Variants in ITGB4 observed in about 807,000 individuals in gnomAD.
ITGB4 encodes integrin beta-4.
Under a neutral mutation model 207.6 loss-of-function variants are expected in ITGB4, and 159 were observed. That is an observed-to-expected ratio of 0.77 (90% confidence interval 0.67 to 0.87). The LOEUF (loss-of-function observed/expected upper bound fraction) is 0.87. Ranked by LOEUF, ITGB4 falls within the 40% of genes least tolerant of loss-of-function variation. The pLI is 0.00. For missense variants in ITGB4, 2,278 were observed against 2,546.8 expected (o/e 0.89, Z 2.27); for synonymous variants, 1,020 against 1,062.7 (o/e 0.96, Z 0.78).
Position 75,740,493 on chromosome 17 carries a change from A to T in ITGB4, c.2550+32A>T. The T allele has an allele frequency of 2.3e-5, 34 of 1,458,326 alleles. No individual in the cohort carries two copies. Among genetic ancestry groups the T allele is most frequent in the Non-Finnish European group, 3.2e-5 (33 of 1,040,052 alleles). 90.3% of individuals were successfully genotyped at this position (1,458,326 alleles called of 1,614,324 possible). The stretch of plus-strand genomic sequence containing the variant: ...ACCCAGGAACTAGGCCTGGCCGGAG[A>T]TGTGGGTATGAGGGCGGGTGAGGTG... On this transcript the variant is annotated intron_variant, in intron 21 of 39. Coordinates refer to ENST00000200181, the MANE Select transcript of ITGB4 (RefSeq NM_000213.5). The surrounding 1 kb of genome is among the most constrained non-coding windows in gnomAD (Gnocchi z 5.9).
intron 1 of ITGB4, 43 bp from the exon 2 acceptor site, chr17:75,724,651 A>C: frequency 2.1e-6 from 3 of 1,401,792 alleles, no homozygotes; most frequent in Non-Finnish European, 3.0e-6. Flanking sequence ...GGCACCGACC[A>C]TGGCTGTGGA....
At position 75,742,460 on chromosome 17, in the gene ITGB4, C is replaced by T. The variant is rs1390921621; in HGVS notation, c.2753C>T (p.Pro918Leu). Reference protein sequence around the residue: ...QRAFHDLKVAPGYYTLTADQD... With the variant: ...QRAFHDLKVALGYYTLTADQD... ...GCCTTCCACGACCTCAAGGTGGCCC[C>T]CGGCTACTACACCCTCACTGCAGAC... is the stretch of plus-strand genomic sequence containing the variant. The change falls in exon 24 of 40, where the codon CCC becomes CTC. Residue 918 changes from proline (P) to leucine (L), a missense_variant. By Grantham distance (98) the Pro-to-Leu change is moderately conservative. Coordinates refer to ENST00000200181, the MANE Select transcript of ITGB4 (RefSeq NM_000213.5). The surrounding 1 kb of genome is among the most constrained non-coding windows in gnomAD (Gnocchi z 5.9). 2.5e-6 allele frequency: 4 copies of T among 1,612,994 alleles called. No individual in the cohort carries two copies. The African/African-American group carries it at 5.3e-5, about 22-fold the overall frequency.
rs1478702308 is a variant in ITGB4 at position 75,731,984 on chromosome 17, GC to G, written c.1377+15del. 1 of 1,613,832 alleles carries G rather than the reference GC, an allele frequency of 6.2e-7. No individual in the cohort carries two copies. Among genetic ancestry groups the G allele is most frequent in the African/African-American group, 1.3e-5 (1 of 74,946 alleles). ...TGCACCTGCGAGCTGGTACAACGCA[GC>G]CCCGCAGGGCGGGAGGGGAGAGCTG... On this transcript the variant is annotated intron_variant, in intron 11 of 39. Coordinates refer to ENST00000200181, the MANE Select transcript of ITGB4 (RefSeq NM_000213.5). This position sits in a 1 kb window ranked among gnomAD's most constrained non-coding sequence, Gnocchi z 6.8.
Position 75,756,515 on chromosome 17 carries a change from C to G in ITGB4, c.4795C>G (p.Arg1599Gly). Residue 1599 changes from arginine to glycine, a missense_variant, in exon 36 of 40, where the codon CGC becomes GGC. Coordinates refer to ENST00000200181, the MANE Select transcript of ITGB4 (RefSeq NM_000213.5). ...DLLPNHSYVF[R>G]VRAQSQEGWG... ...CCTGCCCAACCACTCCTACGTGTTC[C>G]GCGTGCGGGCCCAGAGCCAGGAAGG... 1 of 1,613,348 alleles carries G rather than the reference C, an allele frequency of 6.2e-7. No homozygotes were observed. Among genetic ancestry groups the G allele is most frequent in the South Asian group, 1.1e-5 (1 of 91,082 alleles).
At position 75,727,047 on chromosome 17, in the gene ITGB4, T is replaced by C; in HGVS notation, c.80-148T>C. The C allele has an allele frequency of 1.4e-6, 1 of 702,596 alleles. No homozygotes were observed. Among genetic ancestry groups the C allele is most frequent in the South Asian group, 1.7e-5 (1 of 60,248 alleles). 43.5% of individuals were successfully genotyped at this position (702,596 alleles called of 1,614,324 possible). A position where few individuals can be genotyped will look rare whatever the true frequency, so the allele number is the denominator to read the frequency against. On this transcript the variant is annotated intron_variant, in intron 2 of 39. Coordinates refer to ENST00000200181, the MANE Select transcript of ITGB4 (RefSeq NM_000213.5). The surrounding 1 kb of genome is among the most constrained non-coding windows in gnomAD (Gnocchi z 6.0). ...AGGATCACGCCACTGCACTCCAGCC[T>C]GGGCAACAGAGCGAGACTCTGTCTC...
chr17:75,730,561 T>G, intron 8 of ITGB4, 57 bp downstream of exon 8: 1 of 1,584,770 alleles, frequency 6.3e-7, no homozygotes. Context: ...TCCATGGAGC[T>G]TCTCAGACAC....
intron 15 of ITGB4, 26 bp downstream of exon 15, chr17:75,736,412 G>A: frequency 6.2e-7 from 1 of 1,612,626 alleles, no homozygotes; most frequent in Admixed American, 1.7e-5. Flanking sequence ...ACGAGGTGTG[G>A]GCGTGGGAAC....
chr17:75,730,012 C>T (rs1431426139), intron 7 of ITGB4, among the ~76,000 whole-genome samples: 3 of 152,240 alleles, frequency 2.0e-5, no homozygotes, highest in East Asian at 1.9e-4. Flanking sequence ...GTGTGATGCA[C>T]GCCTGTGGCC....
In ITGB4 at chr17:75,740,027, C is replaced by A; in HGVS notation, c.2402C>A (p.Pro801His). The change falls in exon 20 of 40, where the codon CCT becomes CAT. Residue 801 changes from proline to histidine, a missense_variant. Transcript: ENST00000200181. This position sits in a 1 kb window ranked among gnomAD's most constrained non-coding sequence, Gnocchi z 5.9. ...AAGGTCACCAACAACATGCAGCGGC[C>A]TGGCTTTGCCACTCATGCCGCCAGC... ...RWKVTNNMQR[P>H]GFATHAASIN... 1 of 1,613,026 alleles carries A rather than the reference C, an allele frequency of 6.2e-7. No individual in the cohort carries two copies. The highest frequency in any genetic ancestry group is 8.5e-7 in the Non-Finnish European group (1 of 1,179,954).
Position 75,731,820 on chromosome 17 carries a change from C to G in ITGB4, c.1224C>G (p.Tyr408Ter). 1 of 1,595,914 alleles carries G rather than the reference C, an allele frequency of 6.3e-7. No individual in the cohort carries two copies. The highest frequency in any genetic ancestry group is 8.5e-7 in the Non-Finnish European group (1 of 1,171,458). ...CCACGGGGCCCCTGCAGGGTATATA[C>G]CAGGTGCAGCTGCGGGCCCTTGAGC... is the stretch of plus-strand genomic sequence containing the variant. Reference protein sequence around the residue: ...FHIRRGEVGIYQVQLRALEHV... With the variant: ...FHIRRGEVGI The change falls in exon 11 of 40, where the codon TAC (tyrosine) becomes TAG (stop). Residue 408 changes from tyrosine to a stop codon, truncating the protein, a stop_gained. Transcript: ENST00000200181. LOFTEE classifies it high-confidence loss of function. This position sits in a 1 kb window ranked among gnomAD's most constrained non-coding sequence, Gnocchi z 6.8.
At chr17:75,749,117 C>T (rs2061305737) in intron 27 of ITGB4, 72 bp downstream of exon 27, 1 of 1,261,752 alleles carries the variant, frequency 7.9e-7, no homozygotes, top group Non-Finnish European at 1.1e-6. Flanking sequence ...CTAGGTCTGT[C>T]AGACTTAGCA....
intron 23 of ITGB4, 126 bp downstream of exon 23, chr17:75,741,131 C>G: frequency 9.4e-7 from 1 of 1,065,446 alleles, no homozygotes; most frequent in East Asian, 2.6e-5. Flanking sequence ...ATGTGTCCGT[C>G]AGGTTCGGAC....
rs1599265924 is a variant in ITGB4 at position 75,740,708 on chromosome 17, G to A, written c.2551-85G>A. 1 of 1,456,884 alleles carries A rather than the reference G, an allele frequency of 6.9e-7. No homozygotes were observed. The highest frequency in any genetic ancestry group is 2.3e-5 in the East Asian group (1 of 44,056). 90.2% of individuals were successfully genotyped at this position (1,456,884 alleles called of 1,614,324 possible). ...ACCCTGAGGATCTCTGGGTACAGAG[G>A]CTGCCTGGCTCCCTGGGTCCCCAGC... On this transcript the variant is annotated intron_variant, in intron 21 of 39. Coordinates refer to ENST00000200181, the MANE Select transcript of ITGB4 (RefSeq NM_000213.5). This position sits in a 1 kb window ranked among gnomAD's most constrained non-coding sequence, Gnocchi z 5.9.
At chr17:75,748,040 T>C (rs1357385892) in intron 26 of ITGB4, among the ~76,000 whole-genome samples, 1 of 151,968 alleles carries the variant, frequency 6.6e-6, no homozygotes, top group Non-Finnish European at 1.5e-5. Context: ...TCCTCCCAGT[T>C]CTTATCCTGG....
intron 2 of ITGB4, among the ~76,000 whole-genome samples, chr17:75,725,553 A>G (rs1292016166): frequency 6.6e-6 from 1 of 152,112 alleles, no homozygotes; most frequent in Non-Finnish European, 1.5e-5. Context: ...AGCTTAAGCA[A>G]TCTTCCTACC....
chr17:75,740,599 G>A lies in ITGB4; in HGVS notation c.2550+138G>A. On this transcript the variant is annotated intron_variant, in intron 21 of 39. Transcript: ENST00000200181. The surrounding 1 kb of genome is among the most constrained non-coding windows in gnomAD (Gnocchi z 5.9). ...GGTCTCTCTGGACCTGTGCCTGGCA[G>A]GGGGCATCCTGGGATCTGTTTCCAG... The A allele has an allele frequency of 2.1e-6, 2 of 954,990 alleles. No individual in the cohort carries two copies. Among genetic ancestry groups the A allele is most frequent in the South Asian group, 1.4e-5 (1 of 73,098 alleles). The allele number at this position is 954,990 out of a possible 1,614,324, so 59.2% of individuals were successfully genotyped here. A position where few individuals can be genotyped will look rare whatever the true frequency, so the allele number is the denominator to read the frequency against.
intron 13 of ITGB4, 79 bp downstream of exon 13, chr17:75,733,771 G>A (rs1387942116): frequency 6.9e-7 from 1 of 1,451,308 alleles, no homozygotes; most frequent in Non-Finnish European, 9.5e-7. Context: ...TCAGGACCCA[G>A]GTTGGGAGAG....
rs1051233134 is a variant in ITGB4, at chr17:75,757,603, C to T, written c.*48C>T. 10 of 1,611,576 alleles carry T rather than the reference C, an allele frequency of 6.2e-6. No homozygotes were observed. Among genetic ancestry groups the T allele is most frequent in the African/African-American group, 5.3e-5 (4 of 74,844 alleles). ...CACGTCCCACTAGGCGTCCTCCCGA[C>T]TCCTCTCCCGGAGCCTCCTCAGCTA... On this transcript the variant is annotated 3_prime_UTR_variant, in exon 40 of 40. Coordinates refer to ENST00000200181, the MANE Select transcript of ITGB4 (RefSeq NM_000213.5).
chr17:75,738,535 G>A (rs1350776119), intron 18 of ITGB4, among the ~76,000 whole-genome samples: 1 of 152,208 alleles, frequency 6.6e-6, no homozygotes, highest in African/African-American at 2.4e-5. Flanking sequence ...ATCTTCCCCA[G>A]CTCTAGTGCC....
Sources: allele counts gnomAD v4.1 joint callset (sites outside exome capture counted in the v4.1 genomes callset), GRCh38; gene constraint gnomAD v4.1.1; non-coding constraint Gnocchi (gnomAD v3.1); transcripts MANE v1.5; gene names NCBI Gene and HGNC (gene_info 2026-07-23, HGNC 2026-07-21).